The following SLC67A2 variants were observed in gnomAD, a reference collection of about 807,000 sequenced individuals.
The protein encoded by SLC67A2 is solute carrier family 67 member 2, also known as solute carrier family 67 member A2.
At chr2:102,718,434 A>G in the SLC67A2 span, 1 of 1,613,690 alleles carries the variant, frequency 6.2e-7, no homozygotes, top group East Asian at 2.2e-5. Context: ...TCACTTTTTA[A>G]TTTACTATTC....
the SLC67A2 span, chr2:102,736,426 G>C: frequency 7.8e-7 from 1 of 1,276,696 alleles, no homozygotes; most frequent in East Asian, 2.7e-5. Flanking sequence ...TCCGCGAACG[G>C]GGTGCAAGAG....
At chr2:102,723,575 ACT>A in the SLC67A2 span, 1 of 929,964 alleles carries the variant, frequency 1.1e-6, no homozygotes, top group South Asian at 1.6e-5. Context: ...CCTCAAAATG[ACT>A]TTTGTTTTTG....
At chr2:102,723,959 A>T in the SLC67A2 span, 1 of 1,465,748 alleles carries the variant, frequency 6.8e-7, no homozygotes. Flanking sequence ...GACCATAAGT[A>T]TCTTACTTAT....
the SLC67A2 span, among the ~76,000 whole-genome samples, chr2:102,720,099 T>A: frequency 1.3e-5 from 2 of 152,156 alleles, no homozygotes; most frequent in African/African-American, 4.8e-5. Flanking sequence ...TTCTAGGACA[T>A]CCCTCCAAAC....
the SLC67A2 span, among the ~76,000 whole-genome samples, chr2:102,722,686 G>T: frequency 2.6e-5 from 4 of 152,024 alleles, no homozygotes; most frequent in African/African-American, 9.7e-5. Flanking sequence ...AACTGTAAAA[G>T]AAGGTAGAAG....
chr2:102,722,947 G>GC, the SLC67A2 span, among the ~76,000 whole-genome samples: 1 of 151,550 alleles, frequency 6.6e-6, no homozygotes, highest in Admixed American at 6.6e-5. Flanking sequence ...CAACTCAACA[G>GC]CAAAAAAAAC....
the SLC67A2 span, among the ~76,000 whole-genome samples, chr2:102,733,193 G>A: frequency 6.6e-6 from 1 of 152,174 alleles, no homozygotes; most frequent in Non-Finnish European, 1.5e-5. Flanking sequence ...TAGACAGACT[G>A]TTAACTTTTC....
chr2:102,722,274 G>A, the SLC67A2 span, among the ~76,000 whole-genome samples: 1 of 152,222 alleles, frequency 6.6e-6, no homozygotes, highest in Non-Finnish European at 1.5e-5. Flanking sequence ...GTAGAAGACA[G>A]GCCTGGTACA....
the SLC67A2 span, among the ~76,000 whole-genome samples, chr2:102,725,789 G>A: frequency 6.6e-6 from 1 of 152,146 alleles, no homozygotes; most frequent in African/African-American, 2.4e-5. Flanking sequence ...AATCCCAGGT[G>A]AGTCAGCTGA....
At chr2:102,721,745 C>T in the SLC67A2 span, among the ~76,000 whole-genome samples, 63 of 152,264 alleles carry the variant, frequency 4.1e-4, no homozygotes, top group African/African-American at 1.4e-3. Flanking sequence ...CACTCTGTCA[C>T]CCAGGCTGGA....
the SLC67A2 span, chr2:102,719,003 A>G: frequency 1.8e-4 from 286 of 1,614,084 alleles, no homozygotes; most frequent in Non-Finnish European, 2.3e-4. Flanking sequence ...TTCGGAAAAC[A>G]GCAGGTTCTT....
At chr2:102,736,827 G>C in the SLC67A2 span, 3 of 1,590,508 alleles carry the variant, frequency 1.9e-6, no homozygotes, top group East Asian at 4.5e-5. Flanking sequence ...GCCGGCCGGG[G>C]GTCGGACGCA....
the SLC67A2 span, chr2:102,718,607 C>T: frequency 6.2e-7 from 1 of 1,613,454 alleles, no homozygotes; most frequent in East Asian, 2.2e-5. Context: ...CTGCCCCACG[C>T]CAATAAGGGT....
chr2:102,717,554 A>G, the SLC67A2 span: 1 of 152,386 alleles, frequency 6.6e-6, no homozygotes, highest in Non-Finnish European at 1.5e-5. Flanking sequence ...CCAACTTCAG[A>G]GCAAGCTGGG....
At chr2:102,736,825 G>C in the SLC67A2 span, 7 of 1,590,834 alleles carry the variant, frequency 4.4e-6, no homozygotes, top group South Asian at 1.1e-5. Context: ...GCGCCGGCCG[G>C]GGGTCGGACG....
At chr2:102,716,725 T>C in the SLC67A2 span, 1 of 152,358 alleles carries the variant, frequency 6.6e-6, no homozygotes, top group Non-Finnish European at 1.5e-5. Context: ...CAAGTATGCA[T>C]GTGTTAAGTT....
the SLC67A2 span, among the ~76,000 whole-genome samples, chr2:102,735,117 C>T: frequency 5.9e-5 from 9 of 152,114 alleles, no homozygotes; most frequent in Admixed American, 3.3e-4. Flanking sequence ...TTCTAGGTGC[C>T]TAGACTGAAA....
At chr2:102,730,163 G>A in the SLC67A2 span, among the ~76,000 whole-genome samples, 1 of 152,190 alleles carries the variant, frequency 6.6e-6, no homozygotes, top group Non-Finnish European at 1.5e-5. Context: ...TCAAACAACT[G>A]AGTGGTCAGA....
chr2:102,730,073 C>T, the SLC67A2 span, among the ~76,000 whole-genome samples: 2 of 152,250 alleles, frequency 1.3e-5, no homozygotes, highest in East Asian at 1.9e-4. Flanking sequence ...AACCACTGGA[C>T]GCTGAGGTCT....
Sources: gnomAD v4.1 joint callset for allele counts (sites outside exome capture counted in the v4.1 genomes callset) on GRCh38, gnomAD v4.1.1 for gene constraint, MANE v1.5 for transcripts, NCBI Gene and HGNC (gene_info 2026-07-23, HGNC 2026-07-21) for gene names.